UNC5D: variants seen among roughly 807,000 people sequenced by gnomAD.
UNC5D encodes the protein unc-5 netrin receptor D, also known as netrin receptor UNC5D.
A neutral mutation model predicts 105.4 loss-of-function variants in UNC5D; 39 were observed. The ratio of observed to expected loss-of-function variants is 0.37; its 90% CI spans 0.29 to 0.48. UNC5D has a LOEUF of 0.48. Among genes scored for constraint, UNC5D ranks in the 20% least tolerant of loss-of-function variants. The pLI is 0.98. For synonymous variants in UNC5D, 452 were observed against 450.4 expected (o/e 1.00, Z -0.04); for missense variants, 991 against 1,202.4 (o/e 0.82, Z 2.60).
chr8:35,613,307 TCAGG>T (rs1820813217), intron 4 of UNC5D, among the ~76,000 whole-genome samples: 1 of 152,216 alleles, frequency 6.6e-6, no homozygotes. Context: ...ACATTAGGGC[TCAGG>T]TGATCTGCCC....
chr8:35,283,299 G>T (rs1026738011), intron 1 of UNC5D, among the ~76,000 whole-genome samples: 1 of 151,998 alleles, frequency 6.6e-6, no homozygotes, highest in African/African-American at 2.4e-5. Context: ...AACTGTTCAC[G>T]GTCAAGTCTG....
At chr8:35,619,800 A>G (rs1162495759) in intron 4 of UNC5D, among the ~76,000 whole-genome samples, 1 of 152,228 alleles carries the variant, frequency 6.6e-6, no homozygotes, top group Non-Finnish European at 1.5e-5. Context: ...CTGTGACCAC[A>G]GTCCCCGGAC....
chr8:35,381,541 A>C (rs1803042793), intron 1 of UNC5D, among the ~76,000 whole-genome samples: 1 of 152,164 alleles, frequency 6.6e-6, no homozygotes, highest in Non-Finnish European at 1.5e-5. Flanking sequence ...GTGGGCCGTG[A>C]TTATGTGTCT....
intron 1 of UNC5D, among the ~76,000 whole-genome samples, chr8:35,402,994 T>C (rs999690100): frequency 3.3e-5 from 5 of 152,174 alleles, no homozygotes; most frequent in Admixed American, 6.5e-5. Context: ...TCCAGTATCA[T>C]GGTCAAATCC....
chr8:35,766,063 C>T (rs1478001584), intron 14 of UNC5D, among the ~76,000 whole-genome samples: 1 of 152,112 alleles, frequency 6.6e-6, no homozygotes, highest in Non-Finnish European at 1.5e-5. Flanking sequence ...CTGGCTAATA[C>T]TAGGAAAAAT....
intron 6 of UNC5D, 122 bp downstream of exon 6, chr8:35,684,871 T>C: frequency 2.4e-6 from 3 of 1,273,702 alleles, no homozygotes; most frequent in Non-Finnish European, 3.2e-6. Flanking sequence ...GAATAGAACA[T>C]TTATCCAAGG....
At chr8:35,583,060 G>A (rs372193490) in intron 3 of UNC5D, among the ~76,000 whole-genome samples, 3 of 152,158 alleles carry the variant, frequency 2.0e-5, no homozygotes, top group African/African-American at 7.2e-5. Context: ...ACAACAGGAT[G>A]AACAGCACAG....
chr8:35,443,652 T>C (rs1563424159), intron 1 of UNC5D, among the ~76,000 whole-genome samples: 1 of 152,008 alleles, frequency 6.6e-6, no homozygotes, highest in Non-Finnish European at 1.5e-5. Context: ...CCAATGGTAA[T>C]AGCTTCACAC....
intron 1 of UNC5D, among the ~76,000 whole-genome samples, chr8:35,407,513 G>A (rs575188227): frequency 6.6e-6 from 1 of 150,620 alleles, no homozygotes; most frequent in African/African-American, 2.5e-5. Context: ...TCATTTGTAT[G>A]TATGTATGTA....
At chr8:35,355,683 G>A (rs1420302903) in intron 1 of UNC5D, among the ~76,000 whole-genome samples, 3 of 152,156 alleles carry the variant, frequency 2.0e-5, no homozygotes, top group Non-Finnish European at 1.5e-5. Flanking sequence ...AAACACAATC[G>A]CCAATGTGGT....
At chr8:35,383,763 A>G (rs1000477373) in intron 1 of UNC5D, among the ~76,000 whole-genome samples, 11 of 152,158 alleles carry the variant, frequency 7.2e-5, no homozygotes, top group African/African-American at 2.4e-4. Flanking sequence ...AGCTAAGTTC[A>G]TGTGTGTCAT....
chr8:35,307,358 T>C (rs1446238563), intron 1 of UNC5D, among the ~76,000 whole-genome samples: 2 of 152,210 alleles, frequency 1.3e-5, no homozygotes, highest in African/African-American at 2.4e-5. Context: ...CAAGAGTCCT[T>C]ATCTGCCTGA....
chr8:35,258,240 G>A (rs1277635142), intron 1 of UNC5D, among the ~76,000 whole-genome samples: 2 of 152,238 alleles, frequency 1.3e-5, no homozygotes, highest in East Asian at 3.8e-4. Flanking sequence ...CATTTTATAA[G>A]GGGGCAAATC....
chr8:35,683,407 T>C (rs1458465451), intron 4 of UNC5D, 140 bp from the exon 5 acceptor site: 4 of 824,516 alleles, frequency 4.9e-6, no homozygotes, highest in Non-Finnish European at 5.3e-6. Flanking sequence ...GGACAGGATA[T>C]GGAATAAAGA....
At chr8:35,461,329 G>A (rs891056271) in intron 1 of UNC5D, among the ~76,000 whole-genome samples, 69 of 152,040 alleles carry the variant, frequency 4.5e-4, no homozygotes, top group African/African-American at 1.6e-3. Context: ...TATATCTTAC[G>A]TGTCTACATT....
intron 1 of UNC5D, among the ~76,000 whole-genome samples, chr8:35,325,413 A>AAGGC (rs1810074855): frequency 6.6e-6 from 1 of 152,196 alleles, no homozygotes; most frequent in Non-Finnish European, 1.5e-5. Context: ...GTGCATAGAC[A>AAGGC]AGGCAGGCAG....
Position 35,791,110 on chromosome 8 carries a change from A to G in UNC5D, c.*547A>G, listed in dbSNP as rs1803020586. 5.8e-6 allele frequency: 1 copy of G among 171,774 alleles called. No individual in the cohort carries two copies. Among genetic ancestry groups the G allele is most frequent in the Non-Finnish European group, 1.3e-5 (1 of 78,412 alleles). 10.6% of individuals were successfully genotyped at this position (171,774 alleles called of 1,614,324 possible). On this transcript the variant is annotated 3_prime_UTR_variant, in exon 17 of 17. Transcript: ENST00000404895. ...TTAGAATTTAGAATCTGAGCACATC[A>G]CACCAGCACCAGCTCCCTGTCTCTT... is the stretch of plus-strand genomic sequence containing the variant.
At chr8:35,236,460 C>T (rs1484579198) in intron 1 of UNC5D, among the ~76,000 whole-genome samples, 1 of 302 alleles carries the variant, frequency 3.3e-3, no homozygotes, top group Non-Finnish European at 6.8e-3. Flanking sequence ...GGGAGAGCGG[C>T]GTGCACCATC....
chr8:35,624,781 C>T (rs981823516), intron 4 of UNC5D, among the ~76,000 whole-genome samples: 4 of 152,194 alleles, frequency 2.6e-5, no homozygotes, highest in Non-Finnish European at 5.9e-5. Context: ...GGGCGTCTTA[C>T]AACCATCCAC....
Sources: gnomAD v4.1 joint callset for allele counts (sites outside exome capture counted in the v4.1 genomes callset) on GRCh38, gnomAD v4.1.1 for gene constraint, MANE v1.5 for transcripts, NCBI Gene and HGNC (gene_info 2026-07-23, HGNC 2026-07-21) for gene names.